Variants in CNTNAP4 observed in about 807,000 individuals in gnomAD.
The protein encoded by CNTNAP4 is contactin-associated protein-like 4.
Under a neutral mutation model 148.4 loss-of-function variants are expected in CNTNAP4, and 98 were observed. The ratio of observed to expected loss-of-function variants is 0.66; its 90% CI spans 0.56 to 0.78. The LOEUF is 0.78. Among genes scored for constraint, CNTNAP4 ranks in the 30% least tolerant of loss-of-function variants. CNTNAP4 has a pLI of 0.00. For synonymous variants in CNTNAP4, 730 were observed against 565.1 expected (o/e 1.29, Z -4.14); for missense variants, 1,935 against 1,565.6 (o/e 1.24, Z -3.98).
At chr16:76,475,617 A>G (rs924853237) in intron 10 of CNTNAP4, among the ~76,000 whole-genome samples, 2 of 152,204 alleles carry the variant, frequency 1.3e-5, no homozygotes, top group Non-Finnish European at 2.9e-5. Context: ...CAATGTGATA[A>G]AATGTTATTT....
chr16:76,338,510 C>T (rs553490514), intron 2 of CNTNAP4, among the ~76,000 whole-genome samples: 1 of 152,252 alleles, frequency 6.6e-6, no homozygotes, highest in African/African-American at 2.4e-5. Flanking sequence ...CTTCCAGTGT[C>T]CCACCCTGGA....
chr16:76,428,822 T>C (rs893359345), intron 4 of CNTNAP4, among the ~76,000 whole-genome samples: 1 of 152,158 alleles, frequency 6.6e-6, no homozygotes, highest in African/African-American at 2.4e-5. Context: ...ACCGTTTCCT[T>C]AGTGCTTATT....
At chr16:76,316,014 A>C (rs1426568631) in intron 1 of CNTNAP4, among the ~76,000 whole-genome samples, 1 of 152,106 alleles carries the variant, frequency 6.6e-6, no homozygotes, top group African/African-American at 2.4e-5. Flanking sequence ...TACTAATTGT[A>C]TACTGGGTTA....
At chr16:76,438,308 A>G (rs2145126333) in intron 4 of CNTNAP4, among the ~76,000 whole-genome samples, 1 of 152,248 alleles carries the variant, frequency 6.6e-6, no homozygotes, top group South Asian at 2.1e-4. Context: ...CACGAGAAAG[A>G]GGTTTAAAAG....
At chr16:76,513,119 A>T (rs1395682034) in intron 15 of CNTNAP4, among the ~76,000 whole-genome samples, 1 of 152,190 alleles carries the variant, frequency 6.6e-6, no homozygotes, top group Admixed American at 6.5e-5. Flanking sequence ...TGTTAGTAAG[A>T]GAGATCCAGT....
Position 76,509,276 on chromosome 16 carries a change from A to G in CNTNAP4, c.2365+10582A>G, listed in dbSNP as rs1210914576. On this transcript the variant is annotated intron_variant, in intron 15 of 23. Coordinates refer to ENST00000611870, the MANE Select transcript of CNTNAP4 (RefSeq NM_033401.5). The stretch of plus-strand genomic sequence containing the variant: ...GTCCTGTGCATTGTTGGAGCTAAGC[A>G]GTATCCCTGGTTCCTACCCAAGAGA... Among the ~76,000 whole-genome samples the G allele has an allele frequency of 3.4e-4, 33 of 96,676 alleles. 4 individuals are homozygous for G. Among genetic ancestry groups the G allele is most frequent in the African/African-American group, 8.0e-4 (31 of 38,700 alleles). 63.4% of individuals were successfully genotyped at this position (96,676 alleles called of 152,430 possible).
chr16:76,403,315 G>A (rs1256942380), intron 3 of CNTNAP4, among the ~76,000 whole-genome samples: 2 of 151,902 alleles, frequency 1.3e-5, no homozygotes, highest in African/African-American at 2.4e-5. Flanking sequence ...GGATGGTCTC[G>A]ATCTCCTGAC....
intron 17 of CNTNAP4, among the ~76,000 whole-genome samples, chr16:76,527,369 A>G (rs778998745): frequency 8.5e-5 from 13 of 152,118 alleles, no homozygotes; most frequent in Non-Finnish European, 1.8e-4. Flanking sequence ...CTCTACTTCA[A>G]TCCAATATAA....
chr16:76,449,777 T>C lies in CNTNAP4; in HGVS notation c.990T>C (p.His330=), dbSNP rs146616035. ...KSVSFPHRNF[H]GCLENLYYNG... is the part of the protein sequence containing the mutation. ...TGTCATTCCCACATAGAAATTTTCA[T>C]GGATGTTTAGAAAATCTCTATTATA... The change falls in exon 7 of 24, where the codon CAT becomes CAC. Residue 330 remains histidine (H), a synonymous_variant. Transcript: ENST00000611870. 2.6e-5 allele frequency: 41 copies of C among 1,599,242 alleles called. No homozygotes were observed. The African/African-American group carries it at 4.9e-4, about 19-fold the overall frequency.
chr16:76,379,309 T>G (rs1297177836), intron 3 of CNTNAP4, among the ~76,000 whole-genome samples: 2 of 152,148 alleles, frequency 1.3e-5, no homozygotes, highest in Non-Finnish European at 2.9e-5. Context: ...TCACAGAAAC[T>G]CTTATATCTT....
chr16:76,354,742 C>T (rs560238205), intron 2 of CNTNAP4, among the ~76,000 whole-genome samples: 1 of 152,314 alleles, frequency 6.6e-6, no homozygotes, highest in Non-Finnish European at 1.5e-5. Flanking sequence ...GCAAACACGC[C>T]ATCATTAATG....
At chr16:76,296,513 G>A (rs1401963224) in intron 1 of CNTNAP4, among the ~76,000 whole-genome samples, 1 of 152,162 alleles carries the variant, frequency 6.6e-6, no homozygotes, top group African/African-American at 2.4e-5. Context: ...ATTTTATAAT[G>A]TGTTCTTCAA....
At chr16:76,524,934 A>T (rs1597059918) in intron 17 of CNTNAP4, among the ~76,000 whole-genome samples, 2 of 151,966 alleles carry the variant, frequency 1.3e-5, no homozygotes, top group Non-Finnish European at 2.9e-5. Flanking sequence ...AGCTGACATG[A>T]TTTAGTGTGG....
intron 17 of CNTNAP4, among the ~76,000 whole-genome samples, chr16:76,533,675 C>CT (rs1555597231): frequency 1.1e-3 from 135 of 118,978 alleles, no homozygotes; most frequent in Non-Finnish European, 1.7e-3. Context: ...TATTAAAAAT[C>CT]TTAAAAAAAA....
chr16:76,527,498 G>A lies in CNTNAP4; in HGVS notation c.2755+5241G>A, dbSNP rs377281048. Among the ~76,000 whole-genome samples the A allele has an allele frequency of 2.6e-5, 4 of 152,138 alleles. 1 individual carries two copies. The highest frequency in any genetic ancestry group is 9.6e-5 in the African/African-American group (4 of 41,500). On this transcript the variant is annotated intron_variant, in intron 17 of 23. Transcript: ENST00000611870. ...ATAATTATAGCTAATCAGCATTTTC[G>A]GTGTGCATATCGACTATCCTTTGTA...
chr16:76,298,595 T>C (rs1289337647), intron 1 of CNTNAP4, among the ~76,000 whole-genome samples: 1 of 146,854 alleles, frequency 6.8e-6, no homozygotes, highest in Non-Finnish European at 1.5e-5. Context: ...AGCGGAAGAA[T>C]TCATTAGAAT....
intron 2 of CNTNAP4, among the ~76,000 whole-genome samples, chr16:76,343,618 A>T (rs1964666520): frequency 1.3e-5 from 2 of 152,234 alleles, no homozygotes; most frequent in Admixed American, 1.3e-4. Context: ...AATCAGATTA[A>T]TAAATAAAAG....
At chr16:76,556,994 C>T (rs1279292887) in intron 23 of CNTNAP4, among the ~76,000 whole-genome samples, 1 of 152,136 alleles carries the variant, frequency 6.6e-6, no homozygotes, top group Non-Finnish European at 1.5e-5. Flanking sequence ...CACTCCGTTA[C>T]AGTTGTATAC....
intron 15 of CNTNAP4, among the ~76,000 whole-genome samples, chr16:76,507,582 G>C (rs1212351293): frequency 1.0e-5 from 1 of 97,330 alleles, no homozygotes; most frequent in African/African-American, 2.6e-5. Flanking sequence ...AATAAAAAGA[G>C]GAAAAAAAAG....
Sources: gnomAD v4.1 joint callset for allele counts (sites outside exome capture counted in the v4.1 genomes callset) on GRCh38, gnomAD v4.1.1 for gene constraint, MANE v1.5 for transcripts, NCBI Gene and HGNC (gene_info 2026-07-23, HGNC 2026-07-21) for gene names.